Variants in UACA observed in about 807,000 individuals in gnomAD.
UACA encodes nuclear membrane binding protein.
Under a neutral mutation model 160.5 loss-of-function variants are expected in UACA, and 112 were observed. That is an observed-to-expected ratio of 0.70 (90% CI 0.60 to 0.82). UACA has a LOEUF of 0.82. Among genes scored for constraint, UACA ranks in the 40% least tolerant of loss-of-function variants. The pLI is 0.00. For synonymous variants in UACA, 557 were observed against 568.4 expected, an observed-to-expected ratio of 0.98 and a Z score of 0.29; for missense variants, 1,574 against 1,614.6, an observed-to-expected ratio of 0.97 and a Z score of 0.43.
chr15:70,657,468 G>A (rs190403373), intron 18 of UACA, among the ~76,000 whole-genome samples: 60 of 151,992 alleles, frequency 3.9e-4, no homozygotes, highest in African/African-American at 1.2e-3. Context: ...AAAATTAGAC[G>A]GGTGTAATCC....
intron 15 of UACA, among the ~76,000 whole-genome samples, chr15:70,669,993 T>A (rs1216311336): frequency 1.3e-5 from 2 of 152,214 alleles, no homozygotes; most frequent in Non-Finnish European, 2.9e-5. Context: ...TCCAACAGAA[T>A]ATTCTCTGAA....
chr15:70,769,338 C>CAAA, the UACA span, among the ~76,000 whole-genome samples: 879 of 76,760 alleles, frequency 0.011, 26 homozygotes, highest in African/African-American at 0.044. Flanking sequence ...GACTCCGACT[C>CAAA]AAAAAAAAAA....
chr15:70,744,206 G>A (rs1273690401), intron 1 of UACA, among the ~76,000 whole-genome samples: 1 of 139,312 alleles, frequency 7.2e-6, no homozygotes, highest in East Asian at 2.1e-4. Flanking sequence ...TTGAGATTAC[G>A]CCACTGCATT....
At chr15:70,765,986 G>A (rs1206479858), upstream of UACA, among the ~76,000 whole-genome samples, 1 of 152,202 alleles carries the variant, frequency 6.6e-6, no homozygotes. Flanking sequence ...CATAGTCCTG[G>A]TGACTGGCCT....
chr15:70,708,796 A>G (rs1207505459), intron 1 of UACA, among the ~76,000 whole-genome samples: 2 of 152,206 alleles, frequency 1.3e-5, no homozygotes, highest in Non-Finnish European at 2.9e-5. Context: ...TAATACTAAC[A>G]AATATTAATT....
At chr15:70,776,144 A>G in the UACA span, among the ~76,000 whole-genome samples, 1 of 152,242 alleles carries the variant, frequency 6.6e-6, no homozygotes. Flanking sequence ...CAAAAAAACT[A>G]ATCAATGCTG....
chr15:70,693,040 A>G (rs1248756467), intron 3 of UACA, among the ~76,000 whole-genome samples: 3 of 152,182 alleles, frequency 2.0e-5, no homozygotes, highest in African/African-American at 7.2e-5. Flanking sequence ...TCAAATTTCA[A>G]TTTGCTCCTG....
At position 70,675,340 on chromosome 15, in the gene UACA, T is replaced by G. The variant is rs907558967; in HGVS notation, c.1131+1153A>C. ...ATAGAAGCCACTACAGCTAGATCAT[T>G]CTTTGGGTTATAAAATGGTGTTTCT... is the stretch of plus-strand genomic sequence containing the variant. On this transcript the variant is annotated intron_variant, in intron 13 of 18. Transcript: ENST00000322954. 5.9e-5 allele frequency among the ~76,000 whole-genome samples: 9 copies of G among 152,220 alleles called. 1 individual carries two copies. The highest frequency in any genetic ancestry group is 1.9e-4 in the African/African-American group (8 of 41,454).
At chr15:70,657,287 C>T (rs1160392998) in intron 18 of UACA, among the ~76,000 whole-genome samples, 160 bp from the exon 19 acceptor site, 1 of 152,246 alleles carries the variant, frequency 6.6e-6, no homozygotes, top group East Asian at 1.9e-4. Flanking sequence ...AAAGGGAGTA[C>T]AGCCCTATCA....
At chr15:70,658,110 T>C (rs1202000486) in intron 18 of UACA, among the ~76,000 whole-genome samples, 1 of 152,024 alleles carries the variant, frequency 6.6e-6, no homozygotes, top group Admixed American at 6.6e-5. Context: ...AAAATTTAAG[T>C]AATTGATTTA....
chr15:70,681,283 A>AT (rs1182506724), intron 9 of UACA, among the ~76,000 whole-genome samples: 2 of 152,210 alleles, frequency 1.3e-5, no homozygotes, highest in African/African-American at 4.8e-5. Context: ...TGTTCAGCAG[A>AT]TATCTGTGAA....
intron 1 of UACA, among the ~76,000 whole-genome samples, chr15:70,704,236 G>C (rs796608471): frequency 2.5e-4 from 38 of 152,176 alleles, no homozygotes; most frequent in African/African-American, 9.1e-4. Context: ...TTTCCTCTTG[G>C]ACTAAATTGT....
chr15:70,744,351 A>C (rs1035724607), intron 1 of UACA, among the ~76,000 whole-genome samples: 1 of 151,932 alleles, frequency 6.6e-6, no homozygotes, highest in African/African-American at 2.4e-5. Flanking sequence ...TGCCTTTGGT[A>C]TAAGACAGTC....
chr15:70,723,155 G>T (rs1899042698), intron 1 of UACA, among the ~76,000 whole-genome samples: 1 of 152,136 alleles, frequency 6.6e-6, no homozygotes, highest in East Asian at 1.9e-4. Flanking sequence ...TTAGAGTTAG[G>T]GTTAATATAT....
chr15:70,668,828 A>C lies in UACA; in HGVS notation c.1856T>G (p.Leu619Trp). Residue 619 changes from leucine (L) to tryptophan (W), a missense_variant, in exon 16 of 19, where the codon TTG (leucine) becomes TGG (tryptophan). Coordinates refer to ENST00000322954, the MANE Select transcript of UACA (RefSeq NM_018003.4). ...AATGGAAAGGGCCAACTTCGCTGAC[A>C]ATTCTTTTGCCTGGCCTTCCATCTC... ...VTEMEGQAKE[L>W]SAKLALSIPA... 1 of 1,613,772 alleles carries C rather than the reference A, an allele frequency of 6.2e-7. No individual in the cohort carries two copies. The highest frequency in any genetic ancestry group is 8.5e-7 in the Non-Finnish European group (1 of 1,179,990).
Position 70,763,190 on chromosome 15 carries a change from C to A in UACA, c.78+140G>T, listed in dbSNP as rs1595931785. The A allele has an allele frequency of 8.8e-5, 84 of 956,696 alleles. 1 individual carries two copies. In the East Asian group the frequency reaches 2.6e-3, roughly 30 times the overall value. 59.3% of individuals were successfully genotyped at this position (956,696 alleles called of 1,614,324 possible). On this transcript the variant is annotated intron_variant, in intron 1 of 18. Coordinates refer to ENST00000322954, the MANE Select transcript of UACA (RefSeq NM_018003.4). Reference sequence around the variant, plus strand: ...TCTCTGGGCTGACGGAGTCTCCGGCCTCAGGGAGGAGTCGCCAGGGCCGCC... The same window carrying A: ...TCTCTGGGCTGACGGAGTCTCCGGCATCAGGGAGGAGTCGCCAGGGCCGCC...
intron 1 of UACA, among the ~76,000 whole-genome samples, chr15:70,701,101 C>A (rs367778321): frequency 6.6e-6 from 1 of 152,030 alleles, no homozygotes; most frequent in South Asian, 2.1e-4. Flanking sequence ...AAAATTTTAA[C>A]TCACTTCTGA....
chr15:70,768,974 C>T, the UACA span, among the ~76,000 whole-genome samples: 1 of 152,160 alleles, frequency 6.6e-6, no homozygotes, highest in Admixed American at 6.6e-5. Flanking sequence ...GAGTAAATTA[C>T]ATGGCTGGTT....
In UACA at chr15:70,667,088, T is replaced by C; in HGVS notation, c.3596A>G (p.Glu1199Gly). The C allele has an allele frequency of 6.2e-7, 1 of 1,613,170 alleles. No individual in the cohort carries two copies. Among genetic ancestry groups the C allele is most frequent in the Non-Finnish European group, 8.5e-7 (1 of 1,179,862 alleles). ...EKEEESQNKM[E>G]EVSKLQSEVQ... ...CTCCGACTGAAGTTTGGAGACTTCT[T>C]CCATTTTGTTTTGGCTTTCTTCTTC... The change falls in exon 16 of 19, where the codon GAA (glutamate) becomes GGA (glycine). Residue 1199 changes from glutamate (E) to glycine (G), a missense_variant. Physicochemically the swap from Glu to Gly is moderately conservative, Grantham distance 98 (BLOSUM62 -2). Coordinates refer to ENST00000322954, the MANE Select transcript of UACA (RefSeq NM_018003.4).
Sources: gnomAD v4.1 joint callset for allele counts (sites outside exome capture counted in the v4.1 genomes callset) on GRCh38, gnomAD v4.1.1 for gene constraint, MANE v1.5 for transcripts, NCBI Gene and HGNC (gene_info 2026-07-23, HGNC 2026-07-21) for gene names.